ALG3: variants seen among roughly 807,000 people sequenced by gnomAD.
ALG3 encodes dol-P-Man:Man(5)GlcNAc(2)-PP-Dol alpha-1,3-mannosyltransferase.
In ALG3, 39 loss-of-function variants were observed where a neutral mutation model predicts 50.5. The observed-to-expected ratio is 0.77, with a 90% confidence interval of 0.60 to 1.01. The LOEUF (loss-of-function observed/expected upper bound fraction) is 1.01, where lower values mean the gene tolerates loss of function less well. ALG3 is among the 50% of genes least tolerant of loss of function. ALG3 has a pLI of 0.00. For synonymous variants in ALG3, 252 were observed against 237.2 expected (o/e 1.06, Z -0.58); for missense variants, 520 against 554.8 (o/e 0.94, Z 0.63).
In ALG3 at chr3:184,242,478, A is replaced by T; in HGVS notation, c.*36T>A. Reference sequence around the variant, plus strand: ...AGAGTCCAACCAACCCCAGGTCCTGAGGGTAGACTCAGGTCCTGAGGGAAA... The same window carrying T: ...AGAGTCCAACCAACCCCAGGTCCTGTGGGTAGACTCAGGTCCTGAGGGAAA... On this transcript the variant is annotated 3_prime_UTR_variant, in exon 9 of 9. Coordinates refer to ENST00000397676, the MANE Select transcript of ALG3 (RefSeq NM_005787.6). The T allele has an allele frequency of 6.2e-7, 1 of 1,604,540 alleles. No individual in the cohort carries two copies. The highest frequency in any genetic ancestry group is 8.5e-7 in the Non-Finnish European group (1 of 1,175,612).
Position 184,243,834 on chromosome 3 carries a change from G to A in ALG3, c.889C>T (p.His297Tyr). ...GCAAACAGCAGGAGCAGGGTGAGGT[G>A]GGCAGTCAACAGGGCCAGGTGGAAG... ...RAFHLALLTA[H>Y]LTLLLLFALC... The change falls in exon 6 of 9, where the codon CAC becomes TAC. Residue 297 changes from histidine (H) to tyrosine (Y), a missense_variant. Coordinates refer to ENST00000397676, the MANE Select transcript of ALG3 (RefSeq NM_005787.6). The A allele has an allele frequency of 6.2e-7, 1 of 1,613,964 alleles. No homozygotes were observed. The highest frequency in any genetic ancestry group is 8.5e-7 in the Non-Finnish European group (1 of 1,179,888).
upstream of ALG3, chr3:184,249,052 T>TA (rs551122415): frequency 8.6e-5 from 129 of 1,503,028 alleles, 1 homozygote; most frequent in African/African-American, 1.6e-3. Context: ...CCGATCCGAG[T>TA]AGCCAGTCTT....
chr3:184,244,915 C>A (rs940957376), intron 4 of ALG3, 194 bp from the exon 5 acceptor site: 5 of 772,606 alleles, frequency 6.5e-6, no homozygotes, highest in East Asian at 2.7e-5. Context: ...TACATAGTCT[C>A]TATGCCTACT....
intron 1 of ALG3, among the ~76,000 whole-genome samples, chr3:184,246,758 C>T (rs1560165509): frequency 6.6e-6 from 1 of 151,718 alleles, no homozygotes. Context: ...CTCACTGCAA[C>T]CTCCGCCTCC....
At chr3:184,243,187 G>A in intron 7 of ALG3, 1 of 613,500 alleles carries the variant, frequency 1.6e-6, no homozygotes, top group Non-Finnish European at 2.8e-6. Context: ...CTAACTTACT[G>A]GCTGTGTGAC....
At chr3:184,245,900 C>CT in intron 1 of ALG3, 88 bp from the exon 2 acceptor site, 1 of 1,019,484 alleles carries the variant, frequency 9.8e-7, no homozygotes, top group South Asian at 1.4e-5. Context: ...AAAACACAGA[C>CT]TTTCAGCCAA....
chr3:184,245,929 CT>C, intron 1 of ALG3, 117 bp from the exon 2 acceptor site: 1 of 743,816 alleles, frequency 1.3e-6, no homozygotes, highest in Non-Finnish European at 2.3e-6. Flanking sequence ...GCTTTACTAC[CT>C]CTTAATCTAA....
chr3:184,246,115 C>T (rs1183354299), intron 1 of ALG3, among the ~76,000 whole-genome samples: 1 of 152,106 alleles, frequency 6.6e-6, no homozygotes, highest in African/African-American at 2.4e-5. Flanking sequence ...TTGATACTCC[C>T]TCCTCTCTCA....
Position 184,242,906 on chromosome 3 carries a change from C to T in ALG3, c.1061G>A (p.Arg354His), listed in dbSNP as rs546890576. 16 of 1,613,632 alleles carry T rather than the reference C, an allele frequency of 9.9e-6. No homozygotes were observed. Among genetic ancestry groups the T allele is most frequent in the South Asian group, 5.5e-5 (5 of 91,082 alleles). Reference protein sequence around the residue: ...TSNFIGICFSRSLHYQFYVWY... With the variant: ...TSNFIGICFSHSLHYQFYVWY... ...GACGTAGAACTGGTAGTGGAGGGAG[C>T]GGCTGAAGCAGATGCCAATGAAGTT... Residue 354 changes from arginine (R) to histidine (H), a missense_variant, in exon 8 of 9, where the codon CGC becomes CAC. Transcript: ENST00000397676.
chr3:184,245,570 G>A lies in ALG3; in HGVS notation c.342C>T (p.Ala114=), dbSNP rs756927143. Residue 114 remains alanine (A), a synonymous_variant, in exon 3 of 9, where the codon GCC becomes GCT. Coordinates refer to ENST00000397676, the MANE Select transcript of ALG3 (RefSeq NM_005787.6). ...TGCGGATGTCAGTGCCTCGGCTGGTGGCATAGTACAACCCCATAAAGATGT... is the reference window on the plus strand; with the variant it reads ...TGCGGATGTCAGTGCCTCGGCTGGTAGCATAGTACAACCCCATAAAGATGT... The part of the protein sequence containing the change: ...FVYIFMGLYY[A]TSRGTDIRMA... 5 of 1,613,770 alleles carry A rather than the reference G, an allele frequency of 3.1e-6. No individual in the cohort carries two copies. Among genetic ancestry groups the A allele is most frequent in the Non-Finnish European group, 4.2e-6 (5 of 1,179,794 alleles).
At position 184,248,875 on chromosome 3, in the gene ALG3, C is replaced by A; in HGVS notation, c.66G>T (p.Lys22Asn). 6.2e-7 allele frequency: 1 copy of A among 1,606,730 alleles called. No individual in the cohort carries two copies. The highest frequency in any genetic ancestry group is 1.3e-5 in the African/African-American group (1 of 74,954). Residue 22 changes from lysine to asparagine, a missense_variant, in exon 1 of 9, where the codon AAG becomes AAT. Lys to Asn is a moderately conservative substitution (Grantham distance 94). This residue lies in a region of ALG3 where 290 missense variants were observed against 265.9 expected (regional missense o/e 1.09). Coordinates refer to ENST00000397676, the MANE Select transcript of ALG3 (RefSeq NM_005787.6). ...CTTGCCAGGCGCGCTGCAGCCATTGCTTGCAGAGTCCCTCTGCCTGGGCCG... is the reference window on the plus strand; with the variant it reads ...CTTGCCAGGCGCGCTGCAGCCATTGATTGCAGAGTCCCTCTGCCTGGGCCG... ...GSAAQAEGLC[K>N]QWLQRAWQER...
At chr3:184,244,119 G>A (rs1718995422) in intron 5 of ALG3, 123 bp from the exon 6 acceptor site, 1 of 983,196 alleles carries the variant, frequency 1.0e-6, no homozygotes, top group South Asian at 1.7e-5. Context: ...ATTCCCACTA[G>A]AAATAGCAGG....
At chr3:184,245,833 CT>C (rs1719118948) in intron 1 of ALG3, 21 bp from the exon 2 acceptor site, 1 of 1,592,088 alleles carries the variant, frequency 6.3e-7, no homozygotes, top group Admixed American at 1.7e-5. Flanking sequence ...ACAAGATGAT[CT>C]GGTTACTTCT....
chr3:184,245,882 A>G, intron 1 of ALG3, 70 bp from the exon 2 acceptor site: 2 of 1,229,354 alleles, frequency 1.6e-6, no homozygotes, highest in South Asian at 2.6e-5. Flanking sequence ...CCATGCCTCC[A>G]GACCATCAAA....
chr3:184,243,256 G>A, intron 7 of ALG3: 1 of 566,710 alleles, frequency 1.8e-6, no homozygotes, highest in Non-Finnish European at 3.1e-6. Context: ...AATGAGAATA[G>A]TAAATGTAAG....
upstream of ALG3, chr3:184,249,182 G>A (rs758790962): frequency 4.4e-6 from 7 of 1,600,514 alleles, no homozygotes; most frequent in Admixed American, 1.7e-5. Context: ...GTACACAGGC[G>A]CTAATTTAGA....
upstream of ALG3, chr3:184,249,450 G>C: frequency 1.3e-6 from 1 of 790,598 alleles, no homozygotes; most frequent in Non-Finnish European, 2.0e-6. Context: ...GCCCACGTGA[G>C]TCTGACACCT....
intron 6 of ALG3, 60 bp from the exon 7 acceptor site, chr3:184,243,690 ACCCCATGAGCTTAACTGACACTTC>A (rs1718962170): frequency 6.2e-7 from 1 of 1,602,810 alleles, no homozygotes. Flanking sequence ...CTCTAGACTC[ACCCCATGAGCTTAACTGACACTTC>A]CCCCAAGCAG....
Position 184,248,875 on chromosome 3 carries a change from C to T in ALG3, c.66G>A (p.Lys22=), listed in dbSNP as rs778269575. ...GSAAQAEGLC[K]QWLQRAWQER... is the part of the protein sequence containing the mutation. ...CTTGCCAGGCGCGCTGCAGCCATTG[C>T]TTGCAGAGTCCCTCTGCCTGGGCCG... is the stretch of plus-strand genomic sequence containing the variant. Residue 22 remains lysine (K), a synonymous_variant, in exon 1 of 9, where the codon AAG becomes AAA. Coordinates refer to ENST00000397676, the MANE Select transcript of ALG3 (RefSeq NM_005787.6). 3.2e-5 allele frequency: 51 copies of T among 1,606,612 alleles called. No individual in the cohort carries two copies. The East Asian group carries it at 7.6e-4, about 24-fold the overall frequency.
Sources: allele counts gnomAD v4.1 joint callset (sites outside exome capture counted in the v4.1 genomes callset), GRCh38; gene constraint gnomAD v4.1.1; regional missense constraint gnomAD v4.1.1; transcripts MANE v1.5; gene names NCBI Gene and HGNC (gene_info 2026-07-23, HGNC 2026-07-21).